Variants in ARHGAP21 observed in about 807,000 individuals in gnomAD.
ARHGAP21 encodes Rho GTPase activating protein 21, also known as rho GTPase-activating protein 21.
A neutral mutation model predicts 164.6 loss-of-function variants in ARHGAP21; 38 were observed. That is an observed-to-expected ratio of 0.23 (90% confidence interval 0.18 to 0.30). The LOEUF is 0.30. Among genes scored for constraint, ARHGAP21 ranks in the 10% least tolerant of loss-of-function variants. The probability of loss-of-function intolerance (pLI) is 1.00; values close to 1 mark genes in which losing one functional copy is unlikely to be tolerated. For missense variants in ARHGAP21, 1,822 were observed against 2,370.7 expected (o/e 0.77, Z 4.81); for synonymous variants, 766 against 857.9 (o/e 0.89, Z 1.87).
chr10:24,587,829 A>C (rs1564950182), intron 25 of ARHGAP21, among the ~76,000 whole-genome samples: 1 of 148,508 alleles, frequency 6.7e-6, no homozygotes, highest in African/African-American at 2.6e-5. Flanking sequence ...GAGGCAAATT[A>C]CTCTACTTTT....
At chr10:24,617,667 C>G (rs1301907234) in intron 9 of ARHGAP21, among the ~76,000 whole-genome samples, 2 of 128,482 alleles carry the variant, frequency 1.6e-5, no homozygotes. Context: ...TGTCACCTAT[C>G]CAATTAAGTG....
At chr10:24,691,115 A>G (rs1167203959) in intron 2 of ARHGAP21, among the ~76,000 whole-genome samples, 3 of 152,198 alleles carry the variant, frequency 2.0e-5, no homozygotes, top group Non-Finnish European at 2.9e-5. Context: ...AGAAACTGAG[A>G]GGTCATCAGC....
intron 7 of ARHGAP21, among the ~76,000 whole-genome samples, chr10:24,628,532 G>T (rs1003872689): frequency 2.6e-5 from 4 of 151,406 alleles, no homozygotes; most frequent in Admixed American, 2.0e-4. Flanking sequence ...CCATTACCAC[G>T]ACAAAGAGTC....
intron 21 of ARHGAP21, 130 bp from the exon 22 acceptor site, chr10:24,592,142 T>C: frequency 1.3e-6 from 1 of 752,724 alleles, no homozygotes. Context: ...AAAAAAATAA[T>C]GCTTTCTAGC....
Position 24,679,681 on chromosome 10 carries a change from G to T in ARHGAP21, c.64-9284C>A, listed in dbSNP as rs78542723. Among the ~76,000 whole-genome samples the T allele has an allele frequency of 2.9e-3, 438 of 152,290 alleles. 21 individuals are homozygous for T. The East Asian group carries it at 0.076, about 26-fold the overall frequency. Reference sequence around the variant, plus strand: ...GACAAGTGGATAATGGTATCTCACTGTGATCTTAATTTGTACTTCCCTTAT... The same window carrying T: ...GACAAGTGGATAATGGTATCTCACTTTGATCTTAATTTGTACTTCCCTTAT... On this transcript the variant is annotated intron_variant, in intron 2 of 25. Transcript: ENST00000396432.
chr10:24,623,709 G>C (rs1834805365), intron 7 of ARHGAP21, among the ~76,000 whole-genome samples: 1 of 152,220 alleles, frequency 6.6e-6, no homozygotes, highest in African/African-American at 2.4e-5. Context: ...GGATGGGGGA[G>C]AGGAGGTCCC....
At chr10:24,651,441 C>A (rs141044794) in intron 4 of ARHGAP21, among the ~76,000 whole-genome samples, 164 of 152,286 alleles carry the variant, frequency 1.1e-3, no homozygotes, top group African/African-American at 3.8e-3. Flanking sequence ...CAAGCATTGC[C>A]CCCAATAAGC....
chr10:24,604,764 T>G (rs199577273), intron 11 of ARHGAP21, among the ~76,000 whole-genome samples: 1 of 152,146 alleles, frequency 6.6e-6, no homozygotes, highest in East Asian at 1.9e-4. Context: ...TCATCTCCAC[T>G]CATCCTGCTG....
intron 14 of ARHGAP21, 146 bp downstream of exon 14, chr10:24,600,499 GT>G: frequency 5.0e-6 from 5 of 991,558 alleles, no homozygotes; most frequent in Non-Finnish European, 7.1e-6. Flanking sequence ...AAACAGGTAT[GT>G]TTGAGTTTTC....
chr10:24,653,049 T>G (rs1838360950), intron 4 of ARHGAP21, among the ~76,000 whole-genome samples: 1 of 152,214 alleles, frequency 6.6e-6, no homozygotes, highest in Non-Finnish European at 1.5e-5. Flanking sequence ...TTGTACATAT[T>G]CTTTTTACAA....
At chr10:24,592,834 T>G (rs1462986191) in intron 21 of ARHGAP21, among the ~76,000 whole-genome samples, 2 of 152,164 alleles carry the variant, frequency 1.3e-5, no homozygotes, top group African/African-American at 4.8e-5. Flanking sequence ...GATTTTTCCC[T>G]CTAGTACATC....
intron 21 of ARHGAP21, among the ~76,000 whole-genome samples, chr10:24,593,590 T>TGAAAGATATTCCATAAAATAC (rs11269637): frequency 0.39 from 58,600 of 151,236 alleles, 11,597 homozygotes; most frequent in Middle Eastern, 0.5. Context: ...GTATTTTTCT[T>TGAAAGATATTCCATAAAATAC]GAAAGATATT....
At chr10:24,691,361 T>C (rs1380156013) in intron 2 of ARHGAP21, among the ~76,000 whole-genome samples, 1 of 152,250 alleles carries the variant, frequency 6.6e-6, no homozygotes, top group Non-Finnish European at 1.5e-5. Context: ...GCAATGAGGC[T>C]GTCATCCAAC....
intron 2 of ARHGAP21, among the ~76,000 whole-genome samples, chr10:24,686,615 C>T (rs2131952328): frequency 6.6e-6 from 1 of 152,198 alleles, no homozygotes; most frequent in East Asian, 1.9e-4. Context: ...TAAAACTCCC[C>T]AATATGATCA....
chr10:24,682,498 A>C (rs1211212087), intron 2 of ARHGAP21, among the ~76,000 whole-genome samples: 2 of 152,194 alleles, frequency 1.3e-5, no homozygotes, highest in African/African-American at 4.8e-5. Flanking sequence ...ATTATTCCTC[A>C]CATAGTAGGA....
intron 2 of ARHGAP21, 67 bp downstream of exon 2, chr10:24,721,770 C>T (rs1845965734): frequency 1.3e-6 from 2 of 1,585,694 alleles, no homozygotes; most frequent in Admixed American, 3.5e-5. Flanking sequence ...CGGTAACCCC[C>T]AACTTGCAGG....
chr10:24,675,064 C>T (rs1416490194), intron 2 of ARHGAP21, among the ~76,000 whole-genome samples: 6 of 152,232 alleles, frequency 3.9e-5, no homozygotes, highest in Middle Eastern at 3.4e-3. Context: ...CATATGACAC[C>T]GCCATTCTAC....
Position 24,623,681 on chromosome 10 carries a change from T to C in ARHGAP21, c.496-919A>G, listed in dbSNP as rs141646051. On this transcript the variant is annotated intron_variant, in intron 7 of 25. Coordinates refer to ENST00000396432, the MANE Select transcript of ARHGAP21 (RefSeq NM_020824.4). ...ACAACATCCTTGTGTAGTTTTATTA[T>C]ATACCACCTGAAAAGGAGGATGGGG... 1.6e-4 allele frequency among the ~76,000 whole-genome samples: 25 copies of C among 152,348 alleles called. No homozygotes were observed. The East Asian group carries it at 4.8e-3, about 29-fold the overall frequency.
intron 24 of ARHGAP21, chr10:24,591,007 TGACA>T (rs1207434363): frequency 1.3e-6 from 1 of 783,618 alleles, no homozygotes; most frequent in African/African-American, 1.9e-5. Context: ...AGTTCCATTC[TGACA>T]AACATTACAA....
Sources: gnomAD v4.1 joint callset for allele counts (sites outside exome capture counted in the v4.1 genomes callset) on GRCh38, gnomAD v4.1.1 for gene constraint, MANE v1.5 for transcripts, NCBI Gene and HGNC (gene_info 2026-07-23, HGNC 2026-07-21) for gene names.